The following C1orf21 variants were observed in gnomAD, a reference collection of about 807,000 sequenced individuals.
The protein encoded by C1orf21 is uncharacterized protein C1orf21.
Under a neutral mutation model 18.7 loss-of-function variants are expected in C1orf21, and 3 were observed. The ratio of observed to expected loss-of-function variants is 0.16; its 90% CI spans 0.07 to 0.42. The LOEUF is 0.42. Among genes scored for constraint, C1orf21 ranks in the 10% least tolerant of loss-of-function variants. The pLI is 0.99. For synonymous variants in C1orf21, 41 were observed against 46.4 expected (o/e 0.88, Z 0.47); for missense variants, 104 against 143.6 (o/e 0.72, Z 1.41).
intron 1 of C1orf21, among the ~76,000 whole-genome samples, chr1:184,418,741 T>C (rs1043983288): frequency 1.3e-5 from 2 of 152,198 alleles, no homozygotes; most frequent in Non-Finnish European, 2.9e-5. Context: ...TACAGAAGGC[T>C]TGGTGGCAGC....
intron 1 of C1orf21, among the ~76,000 whole-genome samples, chr1:184,431,322 A>G (rs1450947321): frequency 5.9e-5 from 9 of 152,240 alleles, no homozygotes; most frequent in African/African-American, 2.2e-4. Flanking sequence ...CCACACATCT[A>G]CAACCACCTG....
At chr1:184,598,375 G>A (rs908025068) in intron 4 of C1orf21, 26 bp from the exon 5 acceptor site, 21 of 1,608,382 alleles carry the variant, frequency 1.3e-5, no homozygotes, top group East Asian at 4.5e-5. Context: ...ACTAAAATAT[G>A]CACTTAACTA....
intron 2 of C1orf21, among the ~76,000 whole-genome samples, chr1:184,506,297 A>C (rs1386081169): frequency 6.6e-6 from 1 of 152,218 alleles, no homozygotes; most frequent in East Asian, 1.9e-4. Context: ...ATTTTGAGAA[A>C]CATTTGAACA....
At chr1:184,392,601 A>AG (rs1394786335) in intron 1 of C1orf21, among the ~76,000 whole-genome samples, 1 of 152,152 alleles carries the variant, frequency 6.6e-6, no homozygotes, top group Non-Finnish European at 1.5e-5. Flanking sequence ...TTTAAAAAAA[A>AG]TAATAACTGA....
intron 1 of C1orf21, among the ~76,000 whole-genome samples, chr1:184,415,787 G>A (rs951094191): frequency 6.6e-6 from 1 of 152,238 alleles, no homozygotes; most frequent in Middle Eastern, 3.4e-3. Context: ...TGTGCAAATC[G>A]AAGATTTTGG....
intron 3 of C1orf21, among the ~76,000 whole-genome samples, chr1:184,546,581 A>G (rs1470515816): frequency 6.6e-6 from 1 of 152,236 alleles, no homozygotes; most frequent in Non-Finnish European, 1.5e-5. Context: ...TTAATTATAC[A>G]TAGATATCAA....
chr1:184,561,878 C>A (rs1319604222), intron 3 of C1orf21, among the ~76,000 whole-genome samples: 1 of 152,124 alleles, frequency 6.6e-6, no homozygotes. Context: ...CATGATCCGC[C>A]CACCTTGGCC....
At chr1:184,599,876 A>G (rs1443501493) in intron 5 of C1orf21, among the ~76,000 whole-genome samples, 1 of 152,234 alleles carries the variant, frequency 6.6e-6, no homozygotes, top group Non-Finnish European at 1.5e-5. Flanking sequence ...TCAACCAGTA[A>G]GTATATATAA....
intron 1 of C1orf21, among the ~76,000 whole-genome samples, chr1:184,461,197 G>T (rs148536260): frequency 6.6e-6 from 1 of 152,236 alleles, no homozygotes; most frequent in Non-Finnish European, 1.5e-5. Flanking sequence ...AGTTGGACAG[G>T]GCTCCCTGAT....
At chr1:184,433,698 T>C (rs1053852515) in intron 1 of C1orf21, among the ~76,000 whole-genome samples, 1 of 152,158 alleles carries the variant, frequency 6.6e-6, no homozygotes, top group Non-Finnish European at 1.5e-5. Flanking sequence ...ATCAAAAATA[T>C]TATTTCAGCA....
chr1:184,415,803 T>C (rs1010875782), intron 1 of C1orf21, among the ~76,000 whole-genome samples: 1 of 152,204 alleles, frequency 6.6e-6, no homozygotes, highest in Non-Finnish European at 1.5e-5. Context: ...TTTGGATTCA[T>C]CCTTCTCCTG....
chr1:184,571,296 C>CAAAAAAAAA (rs66868646), intron 3 of C1orf21, among the ~76,000 whole-genome samples: 1 of 85,576 alleles, frequency 1.2e-5, no homozygotes. Context: ...GACTCCGTCT[C>CAAAAAAAAA]AAAAAAAAAA....
At chr1:184,448,656 T>C (rs1243366530) in intron 1 of C1orf21, among the ~76,000 whole-genome samples, 2 of 152,180 alleles carry the variant, frequency 1.3e-5, no homozygotes, top group Non-Finnish European at 2.9e-5. Context: ...ACTCTTTTCC[T>C]TCTCTAGGTG....
At chr1:184,590,858 T>TGG in intron 4 of C1orf21, 43 bp downstream of exon 4, 3 of 1,487,970 alleles carry the variant, frequency 2.0e-6, no homozygotes, top group Non-Finnish European at 2.8e-6. Context: ...CGGCCTTCCA[T>TGG]ATCCATGGAT....
chr1:184,584,096 C>T (rs1659319912), intron 3 of C1orf21, among the ~76,000 whole-genome samples: 1 of 151,116 alleles, frequency 6.6e-6, no homozygotes, highest in South Asian at 2.1e-4. Flanking sequence ...CCTTCCCCCT[C>T]CTTCCAGCCC....
intron 3 of C1orf21, among the ~76,000 whole-genome samples, chr1:184,571,748 T>C (rs1659117074): frequency 6.6e-6 from 1 of 151,938 alleles, no homozygotes; most frequent in Middle Eastern, 3.2e-3. Context: ...AAGGGGGGAG[T>C]TTAAAAATAT....
chr1:184,613,871 G>A (rs530147106), intron 5 of C1orf21, among the ~76,000 whole-genome samples: 10 of 152,118 alleles, frequency 6.6e-5, no homozygotes, highest in African/African-American at 2.2e-4. Flanking sequence ...TTTCTCCCTA[G>A]GGCAACTACA....
At chr1:184,433,844 A>G (rs548780949) in intron 1 of C1orf21, among the ~76,000 whole-genome samples, 1 of 152,254 alleles carries the variant, frequency 6.6e-6, no homozygotes, top group Admixed American at 6.6e-5. Flanking sequence ...AATCCTAGGA[A>G]CAATGCTTGC....
chr1:184,402,864 T>G (rs558815039), intron 1 of C1orf21, among the ~76,000 whole-genome samples: 1 of 152,274 alleles, frequency 6.6e-6, no homozygotes, highest in South Asian at 2.1e-4. Context: ...TATTAAGTGT[T>G]TGGAAAAGGC....
Sources: allele counts gnomAD v4.1 joint callset (sites outside exome capture counted in the v4.1 genomes callset), GRCh38; gene constraint gnomAD v4.1.1; transcripts MANE v1.5; gene names NCBI Gene and HGNC (gene_info 2026-07-23, HGNC 2026-07-21).